F5: variants seen among roughly 807,000 people sequenced by gnomAD.
F5 encodes coagulation factor V.
Under a neutral mutation model 216.4 loss-of-function variants are expected in F5, and 138 were observed. The ratio of observed to expected loss-of-function variants is 0.64; its 90% CI spans 0.56 to 0.73. The LOEUF is 0.73. Among genes scored for constraint, F5 ranks in the 30% least tolerant of loss-of-function variants. The pLI is 0.00. For synonymous variants in F5, 916 were observed against 930.7 expected, an observed-to-expected ratio of 0.98 and a Z score of 0.29; for missense variants, 2,403 against 2,674.0, an observed-to-expected ratio of 0.90 and a Z score of 2.24.
intron 18 of F5, among the ~76,000 whole-genome samples, chr1:169,525,452 G>A (rs1047253816): frequency 2.0e-5 from 3 of 152,224 alleles, no homozygotes; most frequent in Non-Finnish European, 4.4e-5. Flanking sequence ...CAGCCACTGT[G>A]CTACCTGGAT....
intron 14 of F5, among the ~76,000 whole-genome samples, chr1:169,532,844 T>C (rs931953429): frequency 6.6e-6 from 1 of 152,078 alleles, no homozygotes; most frequent in African/African-American, 2.4e-5. Flanking sequence ...TAACAACTAC[T>C]GGAATCATTT....
In F5 at chr1:169,572,219, AC is replaced by A. The variant is rs1660740760; in HGVS notation, c.373+1del. Reference sequence around the variant, plus strand: ...TTCAGAAAAATATTAGATTTATCTTACCTTCTGATAATTTACTGTACCTAAT... The same window carrying A: ...TTCAGAAAAATATTAGATTTATCTTACTTCTGATAATTTACTGTACCTAAT... On this transcript the variant is annotated splice_donor_variant, in intron 3 of 24. Transcript: ENST00000367797. LOFTEE classifies it high-confidence loss of function. 1 of 1,611,812 alleles carries A rather than the reference AC, an allele frequency of 6.2e-7. No individual in the cohort carries two copies. The highest frequency in any genetic ancestry group is 8.5e-7 in the Non-Finnish European group (1 of 1,179,016).
intron 14 of F5, among the ~76,000 whole-genome samples, chr1:169,535,902 T>C (rs1239689714): frequency 1.3e-5 from 2 of 152,178 alleles, no homozygotes; most frequent in Admixed American, 1.3e-4. Context: ...GAATCAGGGT[T>C]CTTTCTGGGT....
intron 3 of F5, among the ~76,000 whole-genome samples, chr1:169,565,880 C>T (rs182527913): frequency 6.6e-6 from 1 of 152,202 alleles, no homozygotes; most frequent in East Asian, 1.9e-4. Context: ...AATATTTACT[C>T]TAGGCTGTAC....
rs1193366249 is a variant in F5 at position 169,540,993 on chromosome 1, A to G, written c.4097T>C (p.Leu1366Pro). 6.3e-7 allele frequency: 1 copy of G among 1,591,434 alleles called. No individual in the cohort carries two copies. Among genetic ancestry groups the G allele is most frequent in the African/African-American group, 1.3e-5 (1 of 74,324 alleles). ...PLSPDPSHTT[L>P]SLDLSQTNLS... ...GTTTGTCTGGCTGAGGTCTAGAGAA[A>G]GGGTTGTATGGCTGGGGTCTGGAGA... The change falls in exon 13 of 25, where the codon CTT (leucine) becomes CCT (proline). Residue 1366 changes from leucine (L) to proline (P), a missense_variant. Physicochemically the swap from Leu to Pro is moderately conservative, Grantham distance 98. This residue lies in a region of F5 where 293 missense variants were observed against 270.8 expected (regional missense o/e 1.08). Transcript: ENST00000367797.
chr1:169,584,508 G>T (rs1352891114), intron 1 of F5, among the ~76,000 whole-genome samples: 1 of 152,134 alleles, frequency 6.6e-6, no homozygotes, highest in Non-Finnish European at 1.5e-5. Context: ...CTTAGACTTG[G>T]AGCAAGAATA....
Position 169,542,321 on chromosome 1 carries a change from G to A in F5, c.2769C>T (p.Pro923=). 1 of 1,599,438 alleles carries A rather than the reference G, an allele frequency of 6.3e-7. No individual in the cohort carries two copies. The highest frequency in any genetic ancestry group is 8.6e-7 in the Non-Finnish European group (1 of 1,168,360). The part of the protein sequence containing the change: ...QDTGSPSRMR[P]WKDPPSDLLL... ...ACAGATCACTAGGAGGGTCCTTCCA[G>A]GGCCTCATTCTGGAAGGAGAACCAG... The change falls in exon 13 of 25, where the codon CCC becomes CCT. Residue 923 remains proline, a synonymous_variant. Transcript: ENST00000367797.
In F5 at chr1:169,516,532, A is replaced by G. The variant is rs1659159330; in HGVS notation, c.6346-906T>C. ...AAAATTCACATGCTATATGTATTTT[A>G]AAAGCAAATTAACTGAATTAGAATG... On this transcript the variant is annotated intron_variant, in intron 23 of 24. Coordinates refer to ENST00000367797, the MANE Select transcript of F5 (RefSeq NM_000130.5). 5.3e-5 allele frequency among the ~76,000 whole-genome samples: 8 copies of G among 152,372 alleles called. No individual in the cohort carries two copies. The South Asian group carries it at 1.7e-3, about 32-fold the overall frequency.
At position 169,525,955 on chromosome 1, in the gene F5, C is replaced by G. The variant is rs1187761390; in HGVS notation, c.5662G>C (p.Val1888Leu). 2.8e-5 allele frequency: 45 copies of G among 1,613,350 alleles called. No homozygotes were observed. The highest frequency in any genetic ancestry group is 3.7e-5 in the Non-Finnish European group (44 of 1,179,444). ...ATCCCTGCTCTCTGGTTTTCTCCAA[C>G]CTCTGTGTTTAGGAGCCACCAGCCA... is the stretch of plus-strand genomic sequence containing the variant. Reference protein sequence around the residue: ...KPGWWLLNTEVGENQRAGMQT... With the variant: ...KPGWWLLNTELGENQRAGMQT... The change falls in exon 18 of 25, where the codon GTT becomes CTT. Residue 1888 changes from valine (V) to leucine (L), a missense_variant. Val to Leu is a conservative substitution (Grantham distance 32). Around this residue, in one of 4 missense-constraint regions of F5, gnomAD observed 659 missense variants for 787.9 expected, o/e 0.84. Transcript: ENST00000367797.
chr1:169,555,488 AT>A, intron 6 of F5, 141 bp from the exon 7 acceptor site: 2 of 966,118 alleles, frequency 2.1e-6, no homozygotes, highest in Non-Finnish European at 3.2e-6. Context: ...ATTTTTGAAC[AT>A]TTTAGTTTGG....
intron 2 of F5, among the ~76,000 whole-genome samples, chr1:169,573,453 G>A (rs1334010914): frequency 2.6e-5 from 4 of 152,180 alleles, no homozygotes; most frequent in Admixed American, 2.6e-4. Flanking sequence ...AGCACATGTA[G>A]CAGAACGTGA....
At chr1:169,575,682 A>G (rs573796785) in intron 2 of F5, among the ~76,000 whole-genome samples, 4 of 152,198 alleles carry the variant, frequency 2.6e-5, no homozygotes, top group African/African-American at 7.2e-5. Flanking sequence ...AATAAAGGAC[A>G]TCAGTTGCTG....
chr1:169,515,458 A>G lies in F5; in HGVS notation c.6514T>C (p.Ser2172Pro). 2 of 1,613,294 alleles carry G rather than the reference A, an allele frequency of 1.2e-6. No homozygotes were observed. Among genetic ancestry groups the G allele is most frequent in the Non-Finnish European group, 1.7e-6 (2 of 1,179,542 alleles). ...TGCCACTCTACCTTGTCCACCATGG[A>G]GGATTTCAGCCTGTATGGTTTCCAT... The part of the protein sequence containing the change: ...VEWKPYRLKS[S>P]MVDKIFEGNT... Residue 2172 changes from serine to proline, a missense_variant, in exon 24 of 25, where the codon TCC (serine) becomes CCC (proline). Around this residue, in one of 4 missense-constraint regions of F5, gnomAD observed 659 missense variants for 787.9 expected, o/e 0.84. Coordinates refer to ENST00000367797, the MANE Select transcript of F5 (RefSeq NM_000130.5).
At chr1:169,536,765 A>G (rs1466684062) in intron 13 of F5, 85 bp from the exon 14 acceptor site, 6 of 1,072,442 alleles carry the variant, frequency 5.6e-6, no homozygotes, top group Non-Finnish European at 8.4e-6. Flanking sequence ...TAAATATAGC[A>G]TCTAGCATAG....
At chr1:169,572,939 C>A (rs1255544279) in intron 2 of F5, among the ~76,000 whole-genome samples, 2 of 144,184 alleles carry the variant, frequency 1.4e-5, no homozygotes, top group Non-Finnish European at 3.0e-5. Flanking sequence ...TGGGACATCA[C>A]TGGAGCATTT....
chr1:169,555,244 G>GTATT lies in F5; in HGVS notation c.1052_1055dup (p.Tyr352Ter). ...AAATGACTTCCTCTGCAGCAATGAA[G>GTATT]TATTCCCACCTCTTCATGTGCCGCC... is the stretch of plus-strand genomic sequence containing the variant. On this transcript the variant is annotated stop_gained and frameshift_variant, in exon 7 of 25. Coordinates refer to ENST00000367797, the MANE Select transcript of F5 (RefSeq NM_000130.5). LOFTEE classifies it high-confidence loss of function. 6.2e-7 allele frequency: 1 copy of GTATT among 1,614,114 alleles called. No individual in the cohort carries two copies. Among genetic ancestry groups the GTATT allele is most frequent in the East Asian group, 2.2e-5 (1 of 44,866 alleles).
chr1:169,586,143 G>T, intron 1 of F5, 86 bp downstream of exon 1: 4 of 1,386,958 alleles, frequency 2.9e-6, no homozygotes, highest in Non-Finnish European at 3.0e-6. Flanking sequence ...AAAAAAAAAA[G>T]CCATGACATT....
intron 2 of F5, among the ~76,000 whole-genome samples, chr1:169,580,229 A>G (rs1660957715): frequency 6.6e-6 from 1 of 152,052 alleles, no homozygotes; most frequent in Admixed American, 6.6e-5. Context: ...TCCTCATCAT[A>G]GTTCTTCCTT....
intron 2 of F5, among the ~76,000 whole-genome samples, chr1:169,573,893 G>A (rs12406092): frequency 0.28 from 41,857 of 151,978 alleles, 6,084 homozygotes; most frequent in South Asian, 0.36. Context: ...TTGAGGAATT[G>A]TATATAGTCA....
Sources: gnomAD v4.1 joint callset for allele counts (sites outside exome capture counted in the v4.1 genomes callset) on GRCh38, gnomAD v4.1.1 for gene constraint, gnomAD v4.1.1 regional missense constraint, MANE v1.5 for transcripts, NCBI Gene and HGNC (gene_info 2026-07-23, HGNC 2026-07-21) for gene names.